Variants in MDN1 observed in about 807,000 individuals in gnomAD.
The protein encoded by MDN1 is midasin AAA ATPase 1.
MDN1 carries 266 observed loss-of-function variants against 669.2 expected under a neutral mutation model. The ratio of observed to expected loss-of-function variants is 0.40; its 90% CI spans 0.36 to 0.44. The LOEUF is 0.44. MDN1 is among the 20% of genes least tolerant of loss of function. MDN1 has a pLI of 1.00. For missense variants in MDN1, 5,940 were observed against 6,754.0 expected (o/e 0.88, Z 4.22); for synonymous variants, 2,385 against 2,457.1 (o/e 0.97, Z 0.87).
chr6:89,727,762 G>A, intron 37 of MDN1, 71 bp downstream of exon 37: 1 of 1,608,598 alleles, frequency 6.2e-7, no homozygotes, highest in Non-Finnish European at 8.5e-7. Flanking sequence ...ATTGTGAAAT[G>A]GAGCTGTGAA....
chr6:89,699,563 T>A, intron 58 of MDN1, 38 bp downstream of exon 58: 1 of 1,570,490 alleles, frequency 6.4e-7, no homozygotes, highest in Non-Finnish European at 8.6e-7. Context: ...AACCAACTCA[T>A]AATGTAAAGG....
In MDN1 at chr6:89,666,338, C is replaced by T. The variant is rs889749589; in HGVS notation, c.14094+1676G>A. Among the ~76,000 whole-genome samples the T allele has an allele frequency of 3.9e-5, 6 of 152,112 alleles. No individual in the cohort carries two copies. The South Asian group carries it at 1.2e-3, about 31-fold the overall frequency. On this transcript the variant is annotated intron_variant, in intron 84 of 101. Coordinates refer to ENST00000369393, the MANE Select transcript of MDN1 (RefSeq NM_014611.3). ...TGTAGTGCAATGGCACGATCTTGGCCCACTGCAACCTCTGCCTCCCAGGTT... is the reference window on the plus strand; with the variant it reads ...TGTAGTGCAATGGCACGATCTTGGCTCACTGCAACCTCTGCCTCCCAGGTT...
chr6:89,683,370 G>A, intron 72 of MDN1, 40 bp from the exon 73 acceptor site: 1 of 1,558,026 alleles, frequency 6.4e-7, no homozygotes, highest in South Asian at 1.1e-5. Context: ...GAAAAAAACT[G>A]GATTAGCAAG....
At position 89,708,980 on chromosome 6, in the gene MDN1, T is replaced by TTA. The variant is rs1554184028; in HGVS notation, c.7766-353_7766-352insTA. On this transcript the variant is annotated intron_variant, in intron 50 of 101. Coordinates refer to ENST00000369393, the MANE Select transcript of MDN1 (RefSeq NM_014611.3). ...AATTACACAGTGGTCACCATTAGCT[T>TTA]AAAAAAAAAAAAAAATACGTACATG... 3.7e-4 allele frequency among the ~76,000 whole-genome samples: 53 copies of TTA among 144,680 alleles called. 2 individuals are homozygous for TTA. In the South Asian group the frequency reaches 0.011, roughly 31 times the overall value. 94.9% of individuals were successfully genotyped at this position (144,680 alleles called of 152,430 possible).
At position 89,656,683 on chromosome 6, in the gene MDN1, T is replaced by C. The variant is rs777928159; in HGVS notation, c.15285+17A>G. On this transcript the variant is annotated intron_variant, in intron 91 of 101. Coordinates refer to ENST00000369393, the MANE Select transcript of MDN1 (RefSeq NM_014611.3). ...CATGCTGCCTTCACCTAAGTTTAGCTGAGGAGTGATAGAAACCTGTGTGTT... is the reference window on the plus strand; with the variant it reads ...CATGCTGCCTTCACCTAAGTTTAGCCGAGGAGTGATAGAAACCTGTGTGTT... The C allele has an allele frequency of 1.9e-6, 3 of 1,585,960 alleles. No individual in the cohort carries two copies. Among genetic ancestry groups the C allele is most frequent in the Non-Finnish European group, 2.6e-6 (3 of 1,158,876 alleles).
chr6:89,744,679 A>G (rs957132124), intron 29 of MDN1, among the ~76,000 whole-genome samples: 2 of 152,032 alleles, frequency 1.3e-5, no homozygotes, highest in African/African-American at 4.8e-5. Context: ...CTGGGATTAC[A>G]GGCATGAACC....
chr6:89,754,759 G>A (rs1423965437), intron 20 of MDN1, among the ~76,000 whole-genome samples: 1 of 152,168 alleles, frequency 6.6e-6, no homozygotes. Context: ...ACTGAAACAT[G>A]AAGGTCTTGC....
rs1767800451 is a variant in MDN1, at chr6:89,803,514, A to G, written c.143T>C (p.Leu48Ser). 1 of 1,614,048 alleles carries G rather than the reference A, an allele frequency of 6.2e-7. No homozygotes were observed. Among genetic ancestry groups the G allele is most frequent in the African/African-American group, 1.3e-5 (1 of 75,062 alleles). ...GTCCTTATCCAAAAGCAACTGTGCTAAGGTACTCAGGACACACTGGCGATC... is the reference window on the plus strand; with the variant it reads ...GTCCTTATCCAAAAGCAACTGTGCTGAGGTACTCAGGACACACTGGCGATC... ...PQDRQCVLST[L>S]AQLLLDKDCT... is the part of the protein sequence containing the mutation. Residue 48 changes from leucine (L) to serine (S), a missense_variant, in exon 2 of 102, where the codon TTA becomes TCA. By Grantham distance (145) the Leu-to-Ser change is moderately radical. Around this residue, in one of 5 missense-constraint regions of MDN1, gnomAD observed 1,203 missense variants for 1,268.9 expected, o/e 0.95. Coordinates refer to ENST00000369393, the MANE Select transcript of MDN1 (RefSeq NM_014611.3).
chr6:89,741,979 T>C (rs1816320632), intron 31 of MDN1, among the ~76,000 whole-genome samples: 1 of 151,930 alleles, frequency 6.6e-6, no homozygotes, highest in African/African-American at 2.4e-5. Context: ...CACATGCCTG[T>C]AGTCCCAGCT....
chr6:89,646,517 G>A (rs1348762047), intron 100 of MDN1, 23 bp downstream of exon 100: 1 of 1,609,886 alleles, frequency 6.2e-7, no homozygotes, highest in Non-Finnish European at 8.5e-7. Flanking sequence ...TTTTGTTAAT[G>A]AAGAGGAAGG....
At chr6:89,719,102 G>A in intron 41 of MDN1, 34 bp downstream of exon 41, 1 of 1,611,766 alleles carries the variant, frequency 6.2e-7, no homozygotes. Context: ...ATTAAAAAAT[G>A]TCAAAGGATA....
At chr6:89,774,944 T>G (rs949375124) in intron 12 of MDN1, among the ~76,000 whole-genome samples, 1 of 152,182 alleles carries the variant, frequency 6.6e-6, no homozygotes, top group African/African-American at 2.4e-5. Context: ...TTCCCTAAAA[T>G]GGTACTTTTC....
intron 34 of MDN1, among the ~76,000 whole-genome samples, chr6:89,731,654 A>G (rs1031627419): frequency 6.6e-6 from 1 of 152,098 alleles, no homozygotes; most frequent in South Asian, 2.1e-4. Flanking sequence ...CAAATACCTA[A>G]TGCATGAGGA....
intron 2 of MDN1, chr6:89,797,598 G>C (rs1347721887): frequency 4.8e-6 from 2 of 416,444 alleles, no homozygotes; most frequent in Non-Finnish European, 9.7e-6. Flanking sequence ...GGACTGATTT[G>C]CTGCCATGGG....
chr6:89,778,934 A>ATAAATAAAT (rs111344373), intron 11 of MDN1, among the ~76,000 whole-genome samples: 1 of 128,308 alleles, frequency 7.8e-6, no homozygotes. Flanking sequence ...AAATAAATAA[A>ATAAATAAAT]AAAAAAGGTA....
rs116481250 is a variant in MDN1, at chr6:89,674,322, T to C, written c.13029A>G (p.Gln4343=). The change falls in exon 79 of 102, where the codon CAA becomes CAG. Residue 4343 remains glutamine, a synonymous_variant. Transcript: ENST00000369393. ...TTAGGTCCAGCACTACTCCACAAAGTTGTCCCTTGCTAAGTTCTGGTCCTT... is the reference window on the plus strand; with the variant it reads ...TTAGGTCCAGCACTACTCCACAAAGCTGTCCCTTGCTAAGTTCTGGTCCTT... The part of the protein sequence containing the change: ...CLEGPELSKG[Q]LCGVVLDLIP... The C allele has an allele frequency of 4.3e-6, 7 of 1,614,252 alleles. No individual in the cohort carries two copies. The African/African-American group carries it at 5.3e-5, about 12-fold the overall frequency.
chr6:89,701,130 C>T (rs886884990), intron 55 of MDN1, among the ~76,000 whole-genome samples: 11 of 152,164 alleles, frequency 7.2e-5, no homozygotes, highest in Non-Finnish European at 1.6e-4. Context: ...TTGTTATGTG[C>T]GGGTTCCGCA....
chr6:89,675,454 C>T lies in MDN1; in HGVS notation c.12761+10G>A, dbSNP rs756781108. 4 of 1,610,872 alleles carry T rather than the reference C, an allele frequency of 2.5e-6. No homozygotes were observed. Among genetic ancestry groups the T allele is most frequent in the Non-Finnish European group, 2.5e-6 (3 of 1,178,724 alleles). ...AATTCATGCCACAAGCCCAACTCATCAGCTGATACCTGAGGATGATCCACT... is the reference window on the plus strand; with the variant it reads ...AATTCATGCCACAAGCCCAACTCATTAGCTGATACCTGAGGATGATCCACT... On this transcript the variant is annotated intron_variant, in intron 78 of 101. Transcript: ENST00000369393.
intron 101 of MDN1, 142 bp downstream of exon 101, chr6:89,644,873 C>T (rs1808386114): frequency 1.2e-6 from 1 of 838,386 alleles, no homozygotes; most frequent in Non-Finnish European, 1.8e-6. Flanking sequence ...CTTACAAGTG[C>T]CTACAATGGT....
Sources: gnomAD v4.1 joint callset for allele counts (sites outside exome capture counted in the v4.1 genomes callset) on GRCh38, gnomAD v4.1.1 for gene constraint, gnomAD v4.1.1 regional missense constraint, MANE v1.5 for transcripts, NCBI Gene and HGNC (gene_info 2026-07-23, HGNC 2026-07-21) for gene names.